Variants in OPA3 observed in about 807,000 individuals in gnomAD.
OPA3 encodes optic atrophy 3 protein.
OPA3 carries 6 observed loss-of-function variants against 4.0 expected under a neutral mutation model. That is an observed-to-expected ratio of 1.51 (90% CI 0.83 to 2.99). The LOEUF (loss-of-function observed/expected upper bound fraction) is 2.99, where lower values mean the gene tolerates loss of function less well. Among genes scored for constraint, OPA3 ranks in the 30% most tolerant of loss-of-function variants. OPA3 has a pLI of 0.00. For missense variants in OPA3, 235 were observed against 256.2 expected, an observed-to-expected ratio of 0.92 and a Z score of 0.56; for synonymous variants, 105 against 117.1, an observed-to-expected ratio of 0.90 and a Z score of 0.67.
chr19:45,544,278 G>A (rs186457772), downstream of OPA3, among the ~76,000 whole-genome samples: 24 of 152,256 alleles, frequency 1.6e-4, no homozygotes, highest in African/African-American at 5.1e-4. Context: ...TAGCCACCAC[G>A]CGGAGGAAAC....
chr19:45,554,618 A>G (rs1357676005), intron 1 of OPA3, among the ~76,000 whole-genome samples: 2 of 152,298 alleles, frequency 1.3e-5, no homozygotes, highest in South Asian at 4.1e-4. Flanking sequence ...TTTAAAACCA[A>G]TGCAGAATTG....
intron 1 of OPA3, among the ~76,000 whole-genome samples, chr19:45,577,287 C>T (rs1029449483): frequency 6.6e-6 from 1 of 152,186 alleles, no homozygotes; most frequent in Non-Finnish European, 1.5e-5. Flanking sequence ...CCTGCTGAGT[C>T]AAAAGTATCT....
At chr19:45,572,536 CAT>C (rs1030916273) in intron 1 of OPA3, among the ~76,000 whole-genome samples, 1,452 of 109,732 alleles carry the variant, frequency 0.013, 20 homozygotes, top group Non-Finnish European at 0.018. Flanking sequence ...ATATATATAT[CAT>C]ATGATATATA....
Position 45,553,262 on chromosome 19 carries a change from C to A in OPA3, c.*252G>T, listed in dbSNP as rs1249879009. The A allele has an allele frequency of 2.2e-5, 31 of 1,420,654 alleles. No individual in the cohort carries two copies. Among genetic ancestry groups the A allele is most frequent in the Non-Finnish European group, 2.8e-5 (31 of 1,090,528 alleles). The allele number at this position is 1,420,654 out of a possible 1,614,324, so 88.0% of individuals were successfully genotyped here. A position where few individuals can be genotyped will look rare whatever the true frequency, so the allele number is the denominator to read the frequency against. ...GCCCACGGTGTCCTGCTGGCTGGGA[C>A]CTTGCAGGTCGTCCTGGTTTGGAGT... On this transcript the variant is annotated 3_prime_UTR_variant, in exon 2 of 2. Transcript: ENST00000263275.
chr19:45,548,667 T>A lies in OPA3; in HGVS notation c.*4847A>T, dbSNP rs546999740. 9.3e-5 allele frequency: 91 copies of A among 983,234 alleles called. 1 individual carries two copies. Among genetic ancestry groups the A allele is most frequent in the East Asian group, 2.3e-4 (2 of 8,804 alleles). 60.9% of individuals were successfully genotyped at this position (983,234 alleles called of 1,614,324 possible). On this transcript the variant is annotated 3_prime_UTR_variant, in exon 2 of 2. Transcript: ENST00000263275. The stretch of plus-strand genomic sequence containing the variant: ...TTTGTGTTTTATTTTTTTTATTTTT[T>A]TTTTTTTTGCGGGAGACGCCCTACC...
Position 45,567,196 on chromosome 19 carries a change from C to T in OPA3, c.143-13285G>A, listed in dbSNP as rs1044597184. ...TCTACAAAAAATAAAATAAATTAGCCGGGCATGGTGGCATGTGCCTGTGGT... is the reference window on the plus strand; with the variant it reads ...TCTACAAAAAATAAAATAAATTAGCTGGGCATGGTGGCATGTGCCTGTGGT... On this transcript the variant is annotated intron_variant, in intron 1 of 1. Transcript: ENST00000263275. 1.7e-4 allele frequency among the ~76,000 whole-genome samples: 26 copies of T among 151,656 alleles called. 1 individual carries two copies. The highest frequency in any genetic ancestry group is 1.1e-3 in the Admixed American group (17 of 15,194).
At position 45,552,287 on chromosome 19, in the gene OPA3, A is replaced by T; in HGVS notation, c.*1227T>A. On this transcript the variant is annotated 3_prime_UTR_variant, in exon 2 of 2. Coordinates refer to ENST00000263275, the MANE Select transcript of OPA3 (RefSeq NM_025136.4). ...CAATTGCGCAATCTCGGCTCACTGC[A>T]ACCTCTGCCTCCCGGGTTCAAGCAA... 1.3e-6 allele frequency: 1 copy of T among 780,672 alleles called. No homozygotes were observed. Among genetic ancestry groups the T allele is most frequent in the South Asian group, 5.8e-5 (1 of 17,286 alleles). The allele number at this position is 780,672 out of a possible 1,614,324, so 48.4% of individuals were successfully genotyped here.
At chr19:45,554,103 C>A (rs898949349) in intron 1 of OPA3, among the ~76,000 whole-genome samples, 192 bp from the exon 2 acceptor site, 2 of 152,152 alleles carry the variant, frequency 1.3e-5, no homozygotes, top group Non-Finnish European at 2.9e-5. Flanking sequence ...GGGGCCGCGC[C>A]CCAAGAGGGA....
intron 1 of OPA3, chr19:45,584,412 T>C (rs1969901118): frequency 5.1e-6 from 5 of 985,350 alleles, no homozygotes; most frequent in Non-Finnish European, 6.0e-6. Flanking sequence ...CCTACTCGCG[T>C]GGTGGCTCCT....
chr19:45,543,664 G>T (rs1969212994), downstream of OPA3, among the ~76,000 whole-genome samples: 2 of 151,672 alleles, frequency 1.3e-5, no homozygotes, highest in African/African-American at 4.8e-5. Context: ...GAGGAGTCTT[G>T]CTATGTTGCC....
chr19:45,549,455 G>T lies in OPA3; in HGVS notation c.*4059C>A. On this transcript the variant is annotated 3_prime_UTR_variant, in exon 2 of 2. Transcript: ENST00000263275. Reference sequence around the variant, plus strand: ...AGGACAGCGCTGGGGTCAGGAATTGGAGCTCCTGCCTGTGTTCACACTCCC... The same window carrying T: ...AGGACAGCGCTGGGGTCAGGAATTGTAGCTCCTGCCTGTGTTCACACTCCC... The T allele has an allele frequency of 1.0e-6, 1 of 985,264 alleles. No homozygotes were observed. Among genetic ancestry groups the T allele is most frequent in the Non-Finnish European group, 1.2e-6 (1 of 829,970 alleles). The allele number at this position is 985,264 out of a possible 1,614,324, so 61.0% of individuals were successfully genotyped here.
At chr19:45,555,536 G>A (rs1969408135) in intron 1 of OPA3, among the ~76,000 whole-genome samples, 1 of 151,822 alleles carries the variant, frequency 6.6e-6, no homozygotes. Flanking sequence ...TGTCGCCCAG[G>A]CTGGAGTGCA....
chr19:45,575,971 C>T (rs1969760809), intron 1 of OPA3, among the ~76,000 whole-genome samples: 2 of 152,232 alleles, frequency 1.3e-5, no homozygotes, highest in African/African-American at 2.4e-5. Flanking sequence ...TGGTGGCTCA[C>T]GCCTGTAATC....
chr19:45,574,260 T>C (rs1252841514), intron 1 of OPA3, among the ~76,000 whole-genome samples: 1 of 151,928 alleles, frequency 6.6e-6, no homozygotes, highest in African/African-American at 2.4e-5. Flanking sequence ...CTGGGCGTGG[T>C]GGCGGGCGCC....
chr19:45,537,472 G>A (rs991014686), intron 1 of OPA3, among the ~76,000 whole-genome samples: 1 of 147,788 alleles, frequency 6.8e-6, no homozygotes. Flanking sequence ...AGAGGGAAAA[G>A]GCAAATCATA....
intron 1 of OPA3, among the ~76,000 whole-genome samples, chr19:45,531,210 G>T (rs1316612702): frequency 6.6e-6 from 1 of 151,964 alleles, no homozygotes; most frequent in Non-Finnish European, 1.5e-5. Context: ...TAATCCTGTA[G>T]ATCCATAATG....
exon 2 of OPA3, chr19:45,529,108 C>T: frequency 6.2e-7 from 1 of 1,603,324 alleles, no homozygotes; most frequent in South Asian, 1.1e-5. Flanking sequence ...GTCTCGGAGG[C>T]AGAGGTGGGC....
At chr19:45,529,013 G>A in exon 2 of OPA3, 1 of 1,576,224 alleles carries the variant, frequency 6.3e-7, no homozygotes, top group Non-Finnish European at 8.6e-7. Flanking sequence ...AGACTTCGCA[G>A]TCCAGACAGC....
chr19:45,557,958 G>C (rs969699511), intron 1 of OPA3, among the ~76,000 whole-genome samples: 1 of 152,158 alleles, frequency 6.6e-6, no homozygotes, highest in African/African-American at 2.4e-5. Context: ...CCCGCCTCCA[G>C]CCTCCTTCCC....
Sources: allele counts gnomAD v4.1 joint callset (sites outside exome capture counted in the v4.1 genomes callset), GRCh38; gene constraint gnomAD v4.1.1; transcripts MANE v1.5; gene names NCBI Gene and HGNC (gene_info 2026-07-23, HGNC 2026-07-21).